AEBP2: variants seen among roughly 807,000 people sequenced by gnomAD.
AEBP2 encodes the protein zinc finger protein AEBP2.
Under a neutral mutation model 50.8 loss-of-function variants are expected in AEBP2, and 10 were observed. That is an observed-to-expected ratio of 0.20 (90% confidence interval 0.12 to 0.33). The LOEUF is 0.33. Ranked by LOEUF, AEBP2 falls within the 10% of genes least tolerant of loss-of-function variation. The pLI, the probability that AEBP2 is intolerant of heterozygous loss-of-function variation, is 1.00. For missense variants in AEBP2, 570 were observed against 688.0 expected (o/e 0.83, Z 1.92); for synonymous variants, 296 against 261.3 (o/e 1.13, Z -1.28).
chr12:19,422,980 A>G (rs920902790), intron 1 of AEBP2, among the ~76,000 whole-genome samples: 1 of 137,044 alleles, frequency 7.3e-6, no homozygotes, highest in Non-Finnish European at 1.5e-5. Context: ...CAGGACAATC[A>G]CTTGAACCCG....
intron 1 of AEBP2, chr12:19,440,628 G>A: frequency 2.0e-6 from 3 of 1,498,394 alleles, no homozygotes; most frequent in Non-Finnish European, 1.8e-6. Flanking sequence ...CGCTCCTCAC[G>A]GACCTCAGGA....
intron 7 of AEBP2, among the ~76,000 whole-genome samples, chr12:19,516,044 C>T (rs1949312684): frequency 4.6e-5 from 7 of 152,264 alleles, no homozygotes; most frequent in Admixed American, 3.3e-4. Flanking sequence ...AGGATTACAC[C>T]ACTGCACTCC....
intron 3 of AEBP2, among the ~76,000 whole-genome samples, chr12:19,488,290 AT>A (rs34804680): frequency 0.028 from 3,293 of 118,390 alleles, 27 homozygotes; most frequent in East Asian, 0.049. Context: ...TAATTTTTGT[AT>A]TTTTTTTTTT....
At chr12:19,491,169 G>A (rs1271548088) in intron 3 of AEBP2, among the ~76,000 whole-genome samples, 1 of 152,118 alleles carries the variant, frequency 6.6e-6, no homozygotes, top group Non-Finnish European at 1.5e-5. Context: ...GCTTTAAAAA[G>A]CGTTATTATT....
chr12:19,477,578 C>T lies in AEBP2; in HGVS notation c.987+4223C>T, dbSNP rs546610957. Among the ~76,000 whole-genome samples the T allele has an allele frequency of 4.2e-4, 64 of 152,248 alleles. 1 individual carries two copies. In the South Asian group the frequency reaches 0.012, roughly 30 times the overall value. ...GATTTTCAGTTCTTTTTATGTGATACATCACATTTACTGACTTGTGTATGT... is the reference window on the plus strand; with the variant it reads ...GATTTTCAGTTCTTTTTATGTGATATATCACATTTACTGACTTGTGTATGT... On this transcript the variant is annotated intron_variant, in intron 3 of 7. Coordinates refer to ENST00000266508, the MANE Select transcript of AEBP2 (RefSeq NM_153207.5).
At chr12:19,414,539 A>G (rs762330161) in intron 1 of AEBP2, among the ~76,000 whole-genome samples, 2 of 152,184 alleles carry the variant, frequency 1.3e-5, no homozygotes, top group Non-Finnish European at 2.9e-5. Context: ...CTAAGGAGGC[A>G]TCACTCTCAA....
At chr12:19,508,178 GTATTT>G (rs1347910460) in intron 5 of AEBP2, among the ~76,000 whole-genome samples, 1 of 152,036 alleles carries the variant, frequency 6.6e-6, no homozygotes, top group African/African-American at 2.4e-5. Flanking sequence ...TAGAATCAGA[GTATTT>G]ATTTGACTAC....
intron 3 of AEBP2, 46 bp from the exon 4 acceptor site, chr12:19,493,754 C>T (rs756741106): frequency 6.4e-7 from 1 of 1,564,498 alleles, no homozygotes; most frequent in South Asian, 1.1e-5. Context: ...TCTTCTCGTG[C>T]CCTACACAGC....
Position 19,488,514 on chromosome 12 carries a change from C to G in AEBP2, c.988-5286C>G, listed in dbSNP as rs543915463. Among the ~76,000 whole-genome samples the G allele has an allele frequency of 3.1e-4, 47 of 152,114 alleles. No individual in the cohort carries two copies. In the Middle Eastern group the frequency reaches 0.01, roughly 33 times the overall value. Reference sequence around the variant, plus strand: ...ATCCGGGGTTGTTAATTATGTTACTCTGGTGTATTTGTCGAAACCAAGAAA... The same window carrying G: ...ATCCGGGGTTGTTAATTATGTTACTGTGGTGTATTTGTCGAAACCAAGAAA... On this transcript the variant is annotated intron_variant, in intron 3 of 7. Coordinates refer to ENST00000266508, the MANE Select transcript of AEBP2 (RefSeq NM_153207.5).
At chr12:19,490,236 A>C (rs1366949314) in intron 3 of AEBP2, among the ~76,000 whole-genome samples, 3 of 152,076 alleles carry the variant, frequency 2.0e-5, no homozygotes, top group Admixed American at 1.3e-4. Flanking sequence ...AATGACTCTT[A>C]AGACTTACAA....
chr12:19,456,339 G>C (rs1403962786), intron 1 of AEBP2: 1 of 1,410,988 alleles, frequency 7.1e-7, no homozygotes, highest in African/African-American at 1.4e-5. Flanking sequence ...CACTGCAACT[G>C]TCTGTCTCAT....
intron 1 of AEBP2, among the ~76,000 whole-genome samples, chr12:19,458,199 C>G (rs981441891): frequency 6.6e-6 from 1 of 152,212 alleles, no homozygotes; most frequent in African/African-American, 2.4e-5. Flanking sequence ...CATTTGTTTT[C>G]TGTCCTCTAC....
At chr12:19,476,524 T>C (rs1948651431) in intron 3 of AEBP2, among the ~76,000 whole-genome samples, 1 of 124,018 alleles carries the variant, frequency 8.1e-6, no homozygotes. Flanking sequence ...AAATTTTTAG[T>C]AGAGACAGAG....
chr12:19,495,570 G>T (rs557465394), intron 4 of AEBP2, among the ~76,000 whole-genome samples: 163 of 140,922 alleles, frequency 1.2e-3, no homozygotes, highest in Non-Finnish European at 1.8e-3. Flanking sequence ...TTGATACAGG[G>T]TCTTACTCTT....
At chr12:19,439,213 G>C (rs1022569999), upstream of AEBP2, among the ~76,000 whole-genome samples, 17 of 152,204 alleles carry the variant, frequency 1.1e-4, no homozygotes, top group Non-Finnish European at 2.1e-4. Context: ...GTACAGAGGG[G>C]ACACTCCTCA....
At chr12:19,462,240 A>C (rs1052136878) in intron 1 of AEBP2, among the ~76,000 whole-genome samples, 13 of 152,042 alleles carry the variant, frequency 8.6e-5, no homozygotes, top group African/African-American at 3.1e-4. Flanking sequence ...TGTTTTCTGT[A>C]AGATGTAGTA....
rs189738665 is a variant in AEBP2 at position 19,413,592 on chromosome 12, A to C, written c.-17+9376A>C. The C allele has an allele frequency of 8.2e-5, 49 of 597,554 alleles. No homozygotes were observed. The African/African-American group carries it at 8.2e-4, about 10-fold the overall frequency. The allele number at this position is 597,554 out of a possible 1,614,324, so 37.0% of individuals were successfully genotyped here. A position where few individuals can be genotyped will look rare whatever the true frequency, so the allele number is the denominator to read the frequency against. ...AAACTTGTTATGCAAAATAAAAAAA[A>C]AGAAATAAAAGAATGGCTATTCCAT... On this transcript the variant is annotated intron_variant, in intron 1 of 3. Coordinates refer to the AEBP2 transcript ENST00000538425.
chr12:19,449,686 T>C (rs1426612996), intron 1 of AEBP2, among the ~76,000 whole-genome samples: 1 of 152,214 alleles, frequency 6.6e-6, no homozygotes, highest in Non-Finnish European at 1.5e-5. Flanking sequence ...ATTTTAGCTT[T>C]TTAAATTACA....
intron 1 of AEBP2, among the ~76,000 whole-genome samples, chr12:19,442,416 A>C (rs1365016692): frequency 1.3e-5 from 2 of 152,136 alleles, no homozygotes; most frequent in African/African-American, 4.8e-5. Context: ...TCAAAAAAAA[A>C]CCAAGTGATA....
Sources: allele counts gnomAD v4.1 joint callset (sites outside exome capture counted in the v4.1 genomes callset), GRCh38; gene constraint gnomAD v4.1.1; transcripts MANE v1.5; gene names NCBI Gene and HGNC (gene_info 2026-07-23, HGNC 2026-07-21).